CPNE4: variants seen among roughly 807,000 people sequenced by gnomAD.
The protein encoded by CPNE4 is copine-4.
A neutral mutation model predicts 67.9 loss-of-function variants in CPNE4; 25 were observed. That is an observed-to-expected ratio of 0.37 (90% CI 0.27 to 0.51). CPNE4 has a LOEUF of 0.51. Ranked by LOEUF, CPNE4 falls within the 20% of genes least tolerant of loss-of-function variation. The pLI is 0.93. For missense variants in CPNE4, 464 were observed against 690.8 expected (o/e 0.67, Z 3.68); for synonymous variants, 242 against 244.9 (o/e 0.99, Z 0.11).
chr3:131,675,247 G>C (rs2107663628), intron 6 of CPNE4, among the ~76,000 whole-genome samples: 2 of 152,218 alleles, frequency 1.3e-5, no homozygotes, highest in Admixed American at 1.3e-4. Context: ...CTATCCTTGA[G>C]AATGGTCCAT....
intron 7 of CPNE4, among the ~76,000 whole-genome samples, chr3:131,601,665 C>T (rs1475738473): frequency 3.9e-5 from 6 of 152,094 alleles, no homozygotes; most frequent in Non-Finnish European, 7.4e-5. Flanking sequence ...GAAGGGACAA[C>T]CGGATGGTGT....
chr3:131,696,661 T>A, intron 4 of CPNE4, 45 bp from the exon 5 acceptor site: 1 of 1,561,172 alleles, frequency 6.4e-7, no homozygotes, highest in Non-Finnish European at 8.8e-7. Context: ...GGTGAACTCC[T>A]TAGCTCCAGA....
intron 7 of CPNE4, among the ~76,000 whole-genome samples, chr3:131,590,778 T>C (rs1938475633): frequency 6.6e-6 from 1 of 152,186 alleles, no homozygotes; most frequent in Non-Finnish European, 1.5e-5. Context: ...GGGATGTTTT[T>C]AAACTTTCTT....
intron 4 of CPNE4, among the ~76,000 whole-genome samples, chr3:131,697,240 T>C (rs1336599954): frequency 2.6e-5 from 4 of 152,146 alleles, no homozygotes; most frequent in Non-Finnish European, 5.9e-5. Flanking sequence ...ACTTAATAGT[T>C]AGTGACTCTC....
intron 1 of CPNE4, among the ~76,000 whole-genome samples, chr3:132,005,342 TACAC>T (rs71639016): frequency 0.023 from 1,991 of 85,006 alleles, 48 homozygotes; most frequent in South Asian, 0.029. Context: ...TATATATATA[TACAC>T]ACACACACAC....
intron 1 of CPNE4, among the ~76,000 whole-genome samples, chr3:131,948,499 T>C (rs2071626399): frequency 6.6e-6 from 1 of 152,214 alleles, no homozygotes; most frequent in Admixed American, 6.5e-5. Flanking sequence ...TTCATAGCAG[T>C]GTGAAAACGG....
In CPNE4 at chr3:131,994,196, C is replaced by T. The variant is rs1337493348; in HGVS notation, c.-2+40371G>A. 1.5e-5 allele frequency among the ~76,000 whole-genome samples: 2 copies of T among 135,914 alleles called. 1 individual carries two copies. The highest frequency in any genetic ancestry group is 1.7e-4 in the Admixed American group (2 of 12,114). 89.2% of individuals were successfully genotyped at this position (135,914 alleles called of 152,430 possible). On this transcript the variant is annotated intron_variant, in intron 1 of 15. Coordinates refer to ENST00000429747, the MANE Select transcript of CPNE4 (RefSeq NM_130808.3). ...AACTACTAATGAGAAAAATTAAAGA[C>T]CTGAACAAATGAAGATGTATAACTC...
Position 131,735,552 on chromosome 3 carries a change from C to G in CPNE4, c.181-11927G>C, listed in dbSNP as rs561051208. Among the ~76,000 whole-genome samples the G allele has an allele frequency of 2.3e-3, 354 of 152,316 alleles. 2 individuals are homozygous for G. Among genetic ancestry groups the G allele is most frequent in the Non-Finnish European group, 3.9e-3 (262 of 68,030 alleles). On this transcript the variant is annotated intron_variant, in intron 2 of 15. Transcript: ENST00000429747. ...GCAGCAAATAAATGTGTTAGGTTTT[C>G]TAATATTTTCCAAACTTGTTTAGCC... is the stretch of plus-strand genomic sequence containing the variant.
rs575750195 is a variant in CPNE4 at position 131,690,378 on chromosome 3, T to G, written c.508-4420A>C. 4.0e-4 allele frequency among the ~76,000 whole-genome samples: 61 copies of G among 152,098 alleles called. 1 individual carries two copies. The highest frequency in any genetic ancestry group is 3.4e-3 in the Middle Eastern group (1 of 294). ...TGGAACAGGATAGAGAATCCAGAAA[T>G]AAAGCCACATACCTACAGCCATCTC... On this transcript the variant is annotated intron_variant, in intron 5 of 15. Transcript: ENST00000429747.
chr3:131,685,405 T>TG (rs1434125239), intron 6 of CPNE4, among the ~76,000 whole-genome samples: 3 of 113,290 alleles, frequency 2.6e-5, no homozygotes, highest in African/African-American at 5.7e-5. Flanking sequence ...GGATTAAAAG[T>TG]GAAAAAAAAA....
intron 2 of CPNE4, among the ~76,000 whole-genome samples, chr3:131,804,601 A>G (rs2084245315): frequency 2.6e-5 from 4 of 152,138 alleles, no homozygotes; most frequent in Admixed American, 2.6e-4. Context: ...CTTTCAATTC[A>G]TCTGCTGAAA....
chr3:131,854,698 G>C (rs1245397664), intron 2 of CPNE4, among the ~76,000 whole-genome samples: 1 of 151,776 alleles, frequency 6.6e-6, no homozygotes, highest in African/African-American at 2.4e-5. Flanking sequence ...TCTTTAGGCA[G>C]AGGGTGTGTG....
chr3:131,868,250 CT>C (rs1439153242), intron 2 of CPNE4, among the ~76,000 whole-genome samples: 5 of 152,204 alleles, frequency 3.3e-5, no homozygotes, highest in African/African-American at 1.2e-4. Flanking sequence ...TCCCAGCCCC[CT>C]ACCACAGTTA....
At chr3:131,794,339 G>T (rs917412177) in intron 2 of CPNE4, among the ~76,000 whole-genome samples, 14 of 151,710 alleles carry the variant, frequency 9.2e-5, no homozygotes, top group African/African-American at 3.4e-4. Context: ...CCTCCTCCTG[G>T]CTTCAAGGGA....
chr3:131,555,415 A>G (rs1452275654), intron 12 of CPNE4, 82 bp downstream of exon 12: 6 of 1,195,728 alleles, frequency 5.0e-6, no homozygotes, highest in Non-Finnish European at 7.4e-6. Context: ...CAGAGTCAGG[A>G]GTGTGAGACT....
intron 6 of CPNE4, among the ~76,000 whole-genome samples, chr3:131,680,176 G>A (rs2080705054): frequency 6.6e-6 from 1 of 151,280 alleles, no homozygotes; most frequent in Non-Finnish European, 1.5e-5. Flanking sequence ...TTACCATTAT[G>A]TAATGGCTTT....
At chr3:131,964,753 G>A (rs940546707) in intron 1 of CPNE4, among the ~76,000 whole-genome samples, 19 of 152,180 alleles carry the variant, frequency 1.2e-4, no homozygotes, top group Non-Finnish European at 2.2e-4. Flanking sequence ...ATTGATTGGT[G>A]TATCTGAAAG....
chr3:131,967,284 AC>A (rs1324790238), intron 1 of CPNE4, among the ~76,000 whole-genome samples: 1 of 152,202 alleles, frequency 6.6e-6, no homozygotes, highest in African/African-American at 2.4e-5. Flanking sequence ...ATGGGCAAAA[AC>A]TGGAAGCATT....
At chr3:131,960,264 T>C (rs2072128088) in intron 1 of CPNE4, among the ~76,000 whole-genome samples, 1 of 152,196 alleles carries the variant, frequency 6.6e-6, no homozygotes. Flanking sequence ...ATATGTTTGA[T>C]TTACTTTTCA....
Sources: allele counts gnomAD v4.1 joint callset (sites outside exome capture counted in the v4.1 genomes callset), GRCh38; gene constraint gnomAD v4.1.1; transcripts MANE v1.5; gene names NCBI Gene and HGNC (gene_info 2026-07-23, HGNC 2026-07-21).